The following SDC3 variants were observed in gnomAD, a reference collection of about 807,000 sequenced individuals.
SDC3 encodes syndecan-3.
Under a neutral mutation model 24.4 loss-of-function variants are expected in SDC3, and 13 were observed. That is an observed-to-expected ratio of 0.53 (90% CI 0.35 to 0.85). The LOEUF (loss-of-function observed/expected upper bound fraction) is 0.85, where lower values mean the gene tolerates loss of function less well. Ranked by LOEUF, SDC3 falls within the 40% of genes least tolerant of loss-of-function variation. The probability of loss-of-function intolerance (pLI) is 0.01; values close to 1 mark genes in which losing one functional copy is unlikely to be tolerated. For synonymous variants in SDC3, 295 were observed against 260.9 expected (o/e 1.13, Z -1.26); for missense variants, 571 against 584.5 (o/e 0.98, Z 0.24).
intron 1 of SDC3, among the ~76,000 whole-genome samples, chr1:30,894,667 T>A (rs1240577583): frequency 6.5e-5 from 5 of 76,372 alleles, no homozygotes; most frequent in African/African-American, 1.6e-4. Context: ...TGGGTGAGTG[T>A]GTGTGGATGA....
intron 1 of SDC3, among the ~76,000 whole-genome samples, chr1:30,897,681 T>C (rs907100137): frequency 1.1e-4 from 17 of 152,224 alleles, no homozygotes; most frequent in Admixed American, 9.2e-4. Flanking sequence ...GCAGTGCTTA[T>C]GTACTAGATG....
chr1:30,891,208 G>A (rs915091964), intron 1 of SDC3, among the ~76,000 whole-genome samples: 8 of 152,192 alleles, frequency 5.3e-5, no homozygotes, highest in African/African-American at 7.2e-5. Flanking sequence ...GGTAAAACAC[G>A]CCTGAATTTT....
intron 3 of SDC3, among the ~76,000 whole-genome samples, chr1:30,875,912 C>T (rs996510451): frequency 1.3e-5 from 2 of 152,192 alleles, no homozygotes; most frequent in African/African-American, 2.4e-5. Context: ...GGGGCTAACA[C>T]AGGTAAAGTG....
chr1:30,907,328 T>C (rs954412490), intron 1 of SDC3, among the ~76,000 whole-genome samples: 1 of 152,128 alleles, frequency 6.6e-6, no homozygotes, highest in African/African-American at 2.4e-5. Flanking sequence ...TTCTCTGCCA[T>C]CCCTGACGGA....
intron 1 of SDC3, among the ~76,000 whole-genome samples, chr1:30,894,534 G>A (rs1306598007): frequency 7.2e-5 from 8 of 111,846 alleles, no homozygotes; most frequent in African/African-American, 2.8e-4. Flanking sequence ...GTGGGTGAGA[G>A]TGTGCGTGGA....
At chr1:30,906,426 G>A (rs773656531) in intron 1 of SDC3, among the ~76,000 whole-genome samples, 5 of 152,078 alleles carry the variant, frequency 3.3e-5, no homozygotes, top group South Asian at 4.1e-4. Flanking sequence ...CAGGTCACCC[G>A]TGTTGCGAGG....
At chr1:30,899,332 G>A (rs904262416) in intron 1 of SDC3, among the ~76,000 whole-genome samples, 13 of 152,252 alleles carry the variant, frequency 8.5e-5, no homozygotes, top group East Asian at 3.9e-4. Flanking sequence ...TGATCTGCTC[G>A]CCTCGGCCTC....
rs762971381 is a variant in SDC3 at position 30,873,391 on chromosome 1, G to A, written c.1163-14C>T. On this transcript the variant is annotated splice_polypyrimidine_tract_variant and intron_variant, in intron 4 of 4. Coordinates refer to ENST00000339394, the MANE Select transcript of SDC3 (RefSeq NM_014654.4). ...CCACAATCACAGCTGTGGAAGAAGA[G>A]GGCACAGGTCAAGGCCCAGAGGCAG... The A allele has an allele frequency of 1.2e-6, 2 of 1,611,564 alleles. No homozygotes were observed. The highest frequency in any genetic ancestry group is 1.3e-5 in the African/African-American group (1 of 74,882).
At position 30,893,505 on chromosome 1, in the gene SDC3, C is replaced by G. The variant is rs1639938844; in HGVS notation, c.139-14765G>C. Among the ~76,000 whole-genome samples the G allele has an allele frequency of 2.6e-5, 4 of 152,052 alleles. No individual in the cohort carries two copies. The South Asian group carries it at 8.3e-4, about 32-fold the overall frequency. On this transcript the variant is annotated intron_variant, in intron 1 of 4. Coordinates refer to ENST00000339394, the MANE Select transcript of SDC3 (RefSeq NM_014654.4). ...TTCAAAATGCCCCAGGAGCCAGCAC[C>G]CTTAATGCCCAGCTCACGCGTCCCC...
Position 30,876,656 on chromosome 1 carries a change from G to C in SDC3, c.766C>G (p.Pro256Ala), listed in dbSNP as rs1266457780. Residue 256 changes from proline to alanine, a missense_variant, in exon 3 of 5, where the codon CCA becomes GCA. Physicochemically the swap from Pro to Ala is conservative, Grantham distance 27 (BLOSUM62 -1). This residue lies in a region of SDC3 where 497 missense variants were observed against 471.6 expected (regional missense o/e 1.05). Coordinates refer to ENST00000339394, the MANE Select transcript of SDC3 (RefSeq NM_014654.4). Reference protein sequence around the residue: ...PRLVSTATSRPRALPRPATTQ... With the variant: ...PRLVSTATSRARALPRPATTQ... ...GTGGCCGGCCTGGGAAGGGCTCTTGGCCGGGAGGTAGCTGTGCTGACCAGC... is the reference window on the plus strand; with the variant it reads ...GTGGCCGGCCTGGGAAGGGCTCTTGCCCGGGAGGTAGCTGTGCTGACCAGC... The C allele has an allele frequency of 6.3e-7, 1 of 1,596,606 alleles. No individual in the cohort carries two copies. Among genetic ancestry groups the C allele is most frequent in the African/African-American group, 1.3e-5 (1 of 74,350 alleles).
In SDC3 at chr1:30,876,539, T is replaced by C. The variant is rs1252101639; in HGVS notation, c.870+13A>G. 6.7e-7 allele frequency: 1 copy of C among 1,498,938 alleles called. No homozygotes were observed. Among genetic ancestry groups the C allele is most frequent in the Non-Finnish European group, 8.9e-7 (1 of 1,121,552 alleles). The allele number at this position is 1,498,938 out of a possible 1,614,324, so 92.9% of individuals were successfully genotyped here. ...CCTCCGCCCTCCTCCCTGTCCCTTC[T>C]CAACACCCTCACCTGAGCCACCTCT... On this transcript the variant is annotated intron_variant, in intron 3 of 4. Transcript: ENST00000339394.
At chr1:30,881,650 C>T (rs78893093) in intron 1 of SDC3, among the ~76,000 whole-genome samples, 14,455 of 152,262 alleles carry the variant, frequency 0.095, 1,706 homozygotes, top group East Asian at 0.53. Flanking sequence ...AGCCGCTGAG[C>T]GTTCCCAGGG....
intron 1 of SDC3, among the ~76,000 whole-genome samples, chr1:30,901,281 G>A (rs1638409821): frequency 6.6e-6 from 1 of 152,168 alleles, no homozygotes; most frequent in Non-Finnish European, 1.5e-5. Context: ...TCAGGCTGTA[G>A]GGCTGGCCAT....
rs760065032 is a variant in SDC3 at position 30,877,003 on chromosome 1, G to A, written c.419C>T (p.Thr140Ile). Residue 140 changes from threonine to isoleucine, a missense_variant, in exon 3 of 5, where the codon ACC becomes ATC. Thr to Ile is a moderately conservative substitution (Grantham distance 89). Around this residue, in one of 2 missense-constraint regions of SDC3, gnomAD observed 497 missense variants for 471.6 expected, o/e 1.05. Coordinates refer to ENST00000339394, the MANE Select transcript of SDC3 (RefSeq NM_014654.4). ...PSERPTLEPATSPLVVTEVPE... is the reference protein window; with the variant it reads ...PSERPTLEPAISPLVVTEVPE... ...GACTTCTGTCACCACCAGGGGGCTG[G>A]TGGCTGGCTCCAGGGTGGGGCGCTC... The A allele has an allele frequency of 4.3e-6, 7 of 1,613,806 alleles. No individual in the cohort carries two copies. Among genetic ancestry groups the A allele is most frequent in the Non-Finnish European group, 5.9e-6 (7 of 1,179,968 alleles).
In SDC3 at chr1:30,901,334, A is replaced by G. The variant is rs117127345; in HGVS notation, c.138+7115T>C. On this transcript the variant is annotated intron_variant, in intron 1 of 4. Coordinates refer to ENST00000339394, the MANE Select transcript of SDC3 (RefSeq NM_014654.4). ...CCCCTGAGATCCTGCGTAAACATCA[A>G]TAGTCACCTACTCTGGGCCAGGGCC... Among the ~76,000 whole-genome samples the G allele has an allele frequency of 5.9e-4, 90 of 152,322 alleles. 2 individuals are homozygous for G. The East Asian group carries it at 0.013, about 22-fold the overall frequency.
chr1:30,894,652 G>A (rs1256487560), intron 1 of SDC3, among the ~76,000 whole-genome samples: 9 of 29,982 alleles, frequency 3.0e-4, no homozygotes, highest in Non-Finnish European at 4.5e-4. Context: ...TGTGTGGGGT[G>A]TGTGTGGGTG....
Position 30,873,247 on chromosome 1 carries a change from G to A in SDC3, c.1293C>T (p.Tyr431=), listed in dbSNP as rs1482246620. The A allele has an allele frequency of 1.9e-6, 3 of 1,613,724 alleles. No homozygotes were observed. Among genetic ancestry groups the A allele is most frequent in the Non-Finnish European group, 2.5e-6 (3 of 1,179,624 alleles). Residue 431 remains tyrosine (Y), a synonymous_variant, in exon 5 of 5, where the codon TAC becomes TAT. Transcript: ENST00000339394. ...ACTCCTCCTGCTTGTCAGGCTTCTGGTATGTGACGCTCGCCTGCTTGGGTT... is the reference window on the plus strand; with the variant it reads ...ACTCCTCCTGCTTGTCAGGCTTCTGATATGTGACGCTCGCCTGCTTGGGTT... ...LEEPKQASVT[Y]QKPDKQEEFY... is the part of the protein sequence containing the mutation.
chr1:30,876,763 G>A lies in SDC3; in HGVS notation c.659C>T (p.Ala220Val). 2.5e-6 allele frequency: 4 copies of A among 1,589,178 alleles called. No homozygotes were observed. The East Asian group carries it at 6.7e-5, about 27-fold the overall frequency. ...CTCGGGGGTAGTGGCCCGTGCCGTA[G>A]CCACTGTGGTCAGTGGGAGAGGCAG... ...RLLPLPLTTV[A>V]TARATTPEAP... The change falls in exon 3 of 5, where the codon GCT (alanine) becomes GTT (valine). Residue 220 changes from alanine to valine, a missense_variant. By Grantham distance (64) the Ala-to-Val change is moderately conservative (BLOSUM62 0). Around this residue, in one of 2 missense-constraint regions of SDC3, gnomAD observed 497 missense variants for 471.6 expected, o/e 1.05. Transcript: ENST00000339394.
intron 1 of SDC3, chr1:30,879,058 T>A (rs1221529687): frequency 2.6e-5 from 7 of 268,340 alleles, no homozygotes; most frequent in Non-Finnish European, 4.4e-5. Flanking sequence ...AGGTCTGGGG[T>A]GGTCTCTGAG....
Sources: gnomAD v4.1 joint callset for allele counts (sites outside exome capture counted in the v4.1 genomes callset) on GRCh38, gnomAD v4.1.1 for gene constraint, gnomAD v4.1.1 regional missense constraint, MANE v1.5 for transcripts, NCBI Gene and HGNC (gene_info 2026-07-23, HGNC 2026-07-21) for gene names.